Variants in CSMD1 observed in about 807,000 individuals in gnomAD.
CSMD1 encodes CUB and Sushi multiple domains 1.
A neutral mutation model predicts 417.5 loss-of-function variants in CSMD1; 213 were observed. That is an observed-to-expected ratio of 0.51 (90% confidence interval 0.46 to 0.57). The LOEUF is 0.57. Among genes scored for constraint, CSMD1 ranks in the 20% least tolerant of loss-of-function variants. The pLI is 0.00. For synonymous variants in CSMD1, 2,862 were observed against 1,736.8 expected, an observed-to-expected ratio of 1.65 and a Z score of -16.11; for missense variants, 6,923 against 4,529.7, an observed-to-expected ratio of 1.53 and a Z score of -15.17.
At chr8:4,362,133 T>C (rs992313471) in intron 3 of CSMD1, among the ~76,000 whole-genome samples, 4 of 152,188 alleles carry the variant, frequency 2.6e-5, no homozygotes, top group Non-Finnish European at 2.9e-5. Context: ...TTTATAAAAA[T>C]AGAATTATGA....
chr8:4,578,642 C>T (rs1799257159), intron 2 of CSMD1, among the ~76,000 whole-genome samples: 1 of 150,616 alleles, frequency 6.6e-6, no homozygotes, highest in Admixed American at 6.6e-5. Context: ...TGGTGAAACC[C>T]CATCTCTACC....
intron 3 of CSMD1, among the ~76,000 whole-genome samples, chr8:4,213,300 A>ACACCACACCTCTCTGCTCC (rs1800436456): frequency 1.3e-5 from 2 of 152,170 alleles, no homozygotes; most frequent in Non-Finnish European, 2.9e-5. Context: ...AGCTCTGCTC[A>ACACCACACCTCTCTGCTCC]CACCACACCT....
chr8:4,046,234 T>A (rs7817093), intron 3 of CSMD1, among the ~76,000 whole-genome samples: 11,588 of 152,122 alleles, frequency 0.076, 914 homozygotes, highest in African/African-American at 0.19. Flanking sequence ...AATATAAAGG[T>A]CATGTGGCAT....
chr8:4,302,725 T>A (rs1488493483), intron 3 of CSMD1, among the ~76,000 whole-genome samples: 2 of 152,214 alleles, frequency 1.3e-5, no homozygotes, highest in African/African-American at 4.8e-5. Flanking sequence ...CACTCTTTTC[T>A]TCTCATTAAG....
At chr8:4,445,729 G>A (rs990517395) in intron 2 of CSMD1, among the ~76,000 whole-genome samples, 6 of 152,124 alleles carry the variant, frequency 3.9e-5, no homozygotes, top group African/African-American at 1.4e-4. Context: ...GCGTAACGTT[G>A]CATTAAGTAT....
intron 2 of CSMD1, among the ~76,000 whole-genome samples, chr8:4,464,077 A>C (rs953047980): frequency 1.3e-5 from 2 of 152,208 alleles, no homozygotes; most frequent in Non-Finnish European, 2.9e-5. Context: ...GACTGAAAGA[A>C]ACAGGTTTCT....
chr8:3,564,200 TA>T (rs1799596483), intron 10 of CSMD1, among the ~76,000 whole-genome samples: 1 of 152,218 alleles, frequency 6.6e-6, no homozygotes, highest in South Asian at 2.1e-4. Context: ...AAATTATCAT[TA>T]ACTATAATTT....
chr8:4,005,966 C>T (rs531243524), intron 4 of CSMD1, among the ~76,000 whole-genome samples: 7 of 152,172 alleles, frequency 4.6e-5, no homozygotes, highest in South Asian at 4.1e-4. Context: ...TCAATACATA[C>T]GAAAACTAAT....
At chr8:4,115,977 TTTATTTATTTA>T (rs1222296299) in intron 3 of CSMD1, among the ~76,000 whole-genome samples, 31 of 32,502 alleles carry the variant, frequency 9.5e-4, no homozygotes, top group African/African-American at 2.8e-3. Flanking sequence ...TATTTATTTA[TTTATTTATTTA>T]TTTATTTATT....
chr8:4,737,394 G>T (rs1417405604), intron 1 of CSMD1, among the ~76,000 whole-genome samples: 1 of 151,936 alleles, frequency 6.6e-6, no homozygotes, highest in African/African-American at 2.4e-5. Context: ...ATGGGTACTA[G>T]GTTTAATATC....
chr8:4,321,685 A>G (rs190516911), intron 3 of CSMD1, among the ~76,000 whole-genome samples: 1 of 152,322 alleles, frequency 6.6e-6, no homozygotes, highest in East Asian at 1.9e-4. Flanking sequence ...CATTCCTAAG[A>G]TAGTGATAGG....
At chr8:3,485,538 C>CACAGAGAG (rs376214281) in intron 11 of CSMD1, among the ~76,000 whole-genome samples, 10 of 134,922 alleles carry the variant, frequency 7.4e-5, no homozygotes, top group African/African-American at 2.9e-4. Flanking sequence ...CACACACACA[C>CACAGAGAG]AGAGAGAGAG....
At chr8:3,904,753 C>T (rs1428837870) in intron 5 of CSMD1, among the ~76,000 whole-genome samples, 2 of 151,532 alleles carry the variant, frequency 1.3e-5, no homozygotes, top group Non-Finnish European at 1.5e-5. Flanking sequence ...TCTCATACCT[C>T]AGCCTCCCAA....
intron 26 of CSMD1, among the ~76,000 whole-genome samples, chr8:3,270,058 T>C (rs999955507): frequency 5.4e-5 from 8 of 147,578 alleles, no homozygotes; most frequent in Admixed American, 3.4e-4. Context: ...TTTTTTTTTT[T>C]TTTTTTTTTG....
At chr8:4,580,233 C>A (rs928299519) in intron 2 of CSMD1, among the ~76,000 whole-genome samples, 1 of 152,212 alleles carries the variant, frequency 6.6e-6, no homozygotes, top group Non-Finnish European at 1.5e-5. Context: ...CTTGTGGGTA[C>A]TGCCTTAACA....
chr8:4,991,897 G>A (rs1811486363), intron 1 of CSMD1, among the ~76,000 whole-genome samples: 1 of 152,156 alleles, frequency 6.6e-6, no homozygotes, highest in Non-Finnish European at 1.5e-5. Context: ...TCCCTGTGGG[G>A]TTAATGAAGG....
intron 1 of CSMD1, among the ~76,000 whole-genome samples, chr8:4,863,223 G>C (rs1036057730): frequency 9.9e-5 from 15 of 151,996 alleles, no homozygotes; most frequent in Admixed American, 7.2e-4. Context: ...TCCAAAATGA[G>C]GAAAAATAAT....
At chr8:3,289,853 G>C (rs533935381) in intron 25 of CSMD1, among the ~76,000 whole-genome samples, 1 of 147,326 alleles carries the variant, frequency 6.8e-6, no homozygotes, top group Non-Finnish European at 1.5e-5. Context: ...TGTCAGTTTT[G>C]GCTTTTGTTG....
chr8:4,838,703 C>T (rs552670837), intron 1 of CSMD1, among the ~76,000 whole-genome samples: 1 of 152,282 alleles, frequency 6.6e-6, no homozygotes, highest in African/African-American at 2.4e-5. Flanking sequence ...TTGCAGAGGA[C>T]ACTTGCCCAA....
Sources: gnomAD v4.1 joint callset for allele counts (sites outside exome capture counted in the v4.1 genomes callset) on GRCh38, gnomAD v4.1.1 for gene constraint, MANE v1.5 for transcripts, NCBI Gene and HGNC (gene_info 2026-07-23, HGNC 2026-07-21) for gene names.